Variants in C11orf65 observed in about 807,000 individuals in gnomAD.
The protein encoded by C11orf65 is chromosome 11 open reading frame 65.
C11orf65 carries 38 observed loss-of-function variants against 35.3 expected under a neutral mutation model. The ratio of observed to expected loss-of-function variants is 1.08; its 90% CI spans 0.83 to 1.41. The LOEUF is 1.41. Among genes scored for constraint, C11orf65 ranks in the 40% most tolerant of loss-of-function variants. The probability of loss-of-function intolerance (pLI) is 0.00; values close to 1 mark genes in which losing one functional copy is unlikely to be tolerated. For missense variants in C11orf65, 370 were observed against 367.1 expected, an observed-to-expected ratio of 1.01 and a Z score of -0.06; for synonymous variants, 105 against 114.4, an observed-to-expected ratio of 0.92 and a Z score of 0.53.
chr11:108,422,774 C>T (rs767367460), intron 3 of C11orf65, among the ~76,000 whole-genome samples: 6 of 151,632 alleles, frequency 4.0e-5, no homozygotes, highest in South Asian at 2.1e-4. Context: ...CCCAGCTACT[C>T]GAGAGGCTGA....
At chr11:108,379,194 A>G (rs181802606), downstream of C11orf65, among the ~76,000 whole-genome samples, 2,233 of 152,290 alleles carry the variant, frequency 0.015, 52 homozygotes, top group African/African-American at 0.048. Flanking sequence ...TTATTGCCGC[A>G]CTATTCACAA....
intron 2 of C11orf65, among the ~76,000 whole-genome samples, chr11:108,444,545 T>C (rs750554331): frequency 6.6e-6 from 1 of 152,140 alleles, no homozygotes; most frequent in African/African-American, 2.4e-5. Context: ...ATATCCCTGA[T>C]GAACATCGAT....
intron 3 of C11orf65, among the ~76,000 whole-genome samples, chr11:108,407,997 T>TTTATTA (rs140542318): frequency 0.13 from 17,686 of 139,382 alleles, 1,338 homozygotes; most frequent in Non-Finnish European, 0.16. Context: ...TTAATTTCTT[T>TTTATTA]TTATTATTAT....
chr11:108,344,660 A>T (rs1369755618), intron 2 of C11orf65, among the ~76,000 whole-genome samples: 2 of 152,042 alleles, frequency 1.3e-5, no homozygotes, highest in Non-Finnish European at 2.9e-5. Context: ...GTGGGTAGAG[A>T]TGAGAAATAT....
chr11:108,399,184 T>C (rs1241320013), intron 6 of C11orf65, among the ~76,000 whole-genome samples: 1 of 152,192 alleles, frequency 6.6e-6, no homozygotes, highest in Non-Finnish European at 1.5e-5. Flanking sequence ...GATCATCTTG[T>C]CCATCTGATT....
At chr11:108,333,630 C>T (rs1412902417) in intron 3 of C11orf65, among the ~76,000 whole-genome samples, 1 of 152,148 alleles carries the variant, frequency 6.6e-6, no homozygotes, top group Admixed American at 6.5e-5. Flanking sequence ...GATGTTTAGT[C>T]TGGTTCCTCA....
chr11:108,435,089 C>T (rs1304472), intron 2 of C11orf65, among the ~76,000 whole-genome samples: 151,973 of 152,336 alleles, frequency 1, 75,805 homozygotes, highest in Middle Eastern at 1. Context: ...CAGCCAGCAT[C>T]CATGAATTTG....
At chr11:108,434,443 T>A (rs1384692768) in intron 2 of C11orf65, among the ~76,000 whole-genome samples, 1 of 151,114 alleles carries the variant, frequency 6.6e-6, no homozygotes, top group Admixed American at 6.6e-5. Context: ...AAGCGGAGGT[T>A]GCAGTGAGCC....
chr11:108,385,812 T>G, intron 8 of C11orf65, 108 bp downstream of exon 8: 1 of 872,720 alleles, frequency 1.1e-6, no homozygotes, highest in Non-Finnish European at 1.8e-6. Context: ...GCATCTAAAT[T>G]TATATACTAT....
chr11:108,431,177 C>CAA (rs894137819), intron 3 of C11orf65, among the ~76,000 whole-genome samples: 1 of 141,780 alleles, frequency 7.1e-6, no homozygotes, highest in African/African-American at 2.6e-5. Context: ...GTAGTATAAA[C>CAA]AAAAAAAAAA....
Position 108,447,330 on chromosome 11 carries a change from A to G in C11orf65, c.81+14149T>C, listed in dbSNP as rs1026594653. ...TCCACCCCAAATCAACAGAATATAC[A>G]TTTTTTTTTAGCACCACACCACACC... On this transcript the variant is annotated intron_variant, in intron 2 of 8. Coordinates refer to ENST00000393084, the MANE Select transcript of C11orf65 (RefSeq NM_152587.5). Among the ~76,000 whole-genome samples the G allele has an allele frequency of 1.3e-5, 2 of 151,220 alleles. 1 individual carries two copies. Among genetic ancestry groups the G allele is most frequent in the African/African-American group, 4.9e-5 (2 of 41,134 alleles).
At chr11:108,411,564 A>G (rs968908360) in intron 3 of C11orf65, among the ~76,000 whole-genome samples, 1 of 152,202 alleles carries the variant, frequency 6.6e-6, no homozygotes, top group African/African-American at 2.4e-5. Flanking sequence ...TGTTTCTATC[A>G]GTTACCAAGA....
intron 2 of C11orf65, chr11:108,355,306 G>A (rs2089762524): frequency 1.4e-5 from 3 of 216,044 alleles, no homozygotes; most frequent in Non-Finnish European, 1.9e-5. Flanking sequence ...ACATGGCTTA[G>A]GAATGAGGGC....
At chr11:108,413,720 C>T (rs7946557) in intron 3 of C11orf65, among the ~76,000 whole-genome samples, 42,738 of 151,994 alleles carry the variant, frequency 0.28, 7,201 homozygotes, top group Middle Eastern at 0.54. Flanking sequence ...ACAAAGTATA[C>T]TCTCACACCT....
chr11:108,468,309 G>A (rs2093559542), upstream of C11orf65, among the ~76,000 whole-genome samples: 1 of 152,206 alleles, frequency 6.6e-6, no homozygotes, highest in African/African-American at 2.4e-5. Context: ...AGTGAAAACA[G>A]ACGACCTCTT....
At chr11:108,335,352 A>ATGTCT in intron 2 of C11orf65, 1 of 1,236,792 alleles carries the variant, frequency 8.1e-7, no homozygotes, top group Non-Finnish European at 1.1e-6. Flanking sequence ...TAACATGTAC[A>ATGTCT]GACATGTACA....
chr11:108,410,166 G>A (rs1322888228), intron 3 of C11orf65, among the ~76,000 whole-genome samples: 2 of 152,090 alleles, frequency 1.3e-5, no homozygotes, highest in East Asian at 3.8e-4. Context: ...CCCCCCACCA[G>A]CAATATATGA....
chr11:108,453,481 C>A (rs1355518673), intron 2 of C11orf65, among the ~76,000 whole-genome samples: 1 of 151,934 alleles, frequency 6.6e-6, no homozygotes, highest in African/African-American at 2.4e-5. Context: ...AAAATTAAAT[C>A]CAACTGTATT....
chr11:108,386,012 G>A lies in C11orf65; in HGVS notation c.732-37C>T, dbSNP rs371521020. The A allele has an allele frequency of 2.3e-3, 3,484 of 1,540,472 alleles. 11 individuals are homozygous for A. The highest frequency in any genetic ancestry group is 2.6e-3 in the Non-Finnish European group (2,911 of 1,117,436). On this transcript the variant is annotated intron_variant, in intron 7 of 8. Coordinates refer to ENST00000393084, the MANE Select transcript of C11orf65 (RefSeq NM_152587.5). ...ATATGAGGATTCATTAAATTTAATC[G>A]ATTCATTAGTACATACTTAGACTAC...
Sources: gnomAD v4.1 joint callset for allele counts (sites outside exome capture counted in the v4.1 genomes callset) on GRCh38, gnomAD v4.1.1 for gene constraint, MANE v1.5 for transcripts, NCBI Gene and HGNC (gene_info 2026-07-23, HGNC 2026-07-21) for gene names.